The following CSMD2 variants were observed in gnomAD, a reference collection of about 807,000 sequenced individuals.
CSMD2 encodes the protein CUB and sushi domain-containing protein 2.
Under a neutral mutation model 398.5 loss-of-function variants are expected in CSMD2, and 130 were observed. That is an observed-to-expected ratio of 0.33 (90% CI 0.28 to 0.38). The LOEUF (loss-of-function observed/expected upper bound fraction) is 0.38. CSMD2 is among the 10% of genes least tolerant of loss of function. CSMD2 has a pLI of 1.00. For synonymous variants in CSMD2, 1,828 were observed against 1,908.5 expected, an observed-to-expected ratio of 0.96 and a Z score of 1.10; for missense variants, 3,829 against 4,764.9, an observed-to-expected ratio of 0.80 and a Z score of 5.78.
At chr1:33,699,007 C>T (rs1645517498) in intron 23 of CSMD2, 63 bp from the exon 24 acceptor site, 1 of 1,431,618 alleles carries the variant, frequency 7.0e-7, no homozygotes, top group Admixed American at 2.0e-5. Flanking sequence ...TGCTTCCTCT[C>T]TTCCCTCAAA....
rs1000420997 is a variant in CSMD2, at chr1:34,045,048, C to T, written c.405-12342G>A. 5.7e-4 allele frequency among the ~76,000 whole-genome samples: 34 copies of T among 59,416 alleles called. 1 individual carries two copies. The highest frequency in any genetic ancestry group is 8.2e-3 in the Middle Eastern group (1 of 122). 39.0% of individuals were successfully genotyped at this position (59,416 alleles called of 152,430 possible). On this transcript the variant is annotated intron_variant, in intron 2 of 70. Coordinates refer to ENST00000373381, the MANE Select transcript of CSMD2 (RefSeq NM_001281956.2). ...CATAATCACACACCATACACACACA[C>T]ACACACACACACACACACACACACA...
intron 10 of CSMD2, among the ~76,000 whole-genome samples, chr1:33,802,288 T>C (rs924729214): frequency 2.0e-5 from 3 of 152,184 alleles, no homozygotes; most frequent in South Asian, 2.1e-4. Flanking sequence ...TCCAGGAGGA[T>C]GCACTGGGGT....
At chr1:33,630,089 C>CCTTA (rs1557648252) in intron 32 of CSMD2, among the ~76,000 whole-genome samples, 1 of 151,608 alleles carries the variant, frequency 6.6e-6, no homozygotes, top group African/African-American at 2.4e-5. Context: ...TTCCTTCCTT[C>CCTTA]CTTGCTTCCT....
intron 29 of CSMD2, among the ~76,000 whole-genome samples, chr1:33,646,396 T>C (rs1325624879): frequency 6.6e-6 from 1 of 152,098 alleles, no homozygotes; most frequent in Admixed American, 6.5e-5. Context: ...AGAGGACTAG[T>C]GGTTGGAAAT....
Position 33,743,600 on chromosome 1 carries a change from C to G in CSMD2, c.1853G>C (p.Cys618Ser), listed in dbSNP as rs1429596905. 1.9e-6 allele frequency: 3 copies of G among 1,592,658 alleles called. No individual in the cohort carries two copies. The highest frequency in any genetic ancestry group is 1.7e-6 in the Non-Finnish European group (2 of 1,166,444). ...SAKKPGCVFSCFFNFTSPSGV... is the reference protein window; with the variant it reads ...SAKKPGCVFSSFFNFTSPSGV... ...AGACGGGCTGGTGAAGTTGAAGAAGCAGGAGACTGCAAGAGAAGAGCAGTG... is the reference window on the plus strand; with the variant it reads ...AGACGGGCTGGTGAAGTTGAAGAAGGAGGAGACTGCAAGAGAAGAGCAGTG... Residue 618 changes from cysteine (C) to serine (S), a missense_variant, in exon 14 of 71, where the codon TGC (cysteine) becomes TCC (serine). Cys to Ser is a moderately radical substitution (Grantham distance 112, BLOSUM62 -1). Transcript: ENST00000373381.
intron 64 of CSMD2, among the ~76,000 whole-genome samples, chr1:33,528,965 C>T (rs535219588): frequency 6.6e-6 from 1 of 152,278 alleles, no homozygotes; most frequent in African/African-American, 2.4e-5. Context: ...CCAAATTGAT[C>T]TACAGGTTCA....
intron 14 of CSMD2, among the ~76,000 whole-genome samples, chr1:33,742,278 C>T (rs999301023): frequency 6.6e-6 from 1 of 152,236 alleles, no homozygotes; most frequent in Non-Finnish European, 1.5e-5. Context: ...CATCTAATGT[C>T]TTCAGTCCAA....
At chr1:33,569,875 T>A (rs1207053447) in intron 51 of CSMD2, among the ~76,000 whole-genome samples, 1 of 152,188 alleles carries the variant, frequency 6.6e-6, no homozygotes, top group African/African-American at 2.4e-5. Context: ...AGATGGCGAT[T>A]CTGTGGTATG....
intron 1 of CSMD2, among the ~76,000 whole-genome samples, chr1:34,116,722 A>G (rs1318088781): frequency 6.6e-6 from 1 of 152,144 alleles, no homozygotes; most frequent in Admixed American, 6.5e-5. Context: ...AACATTCTTC[A>G]AGACAGATCA....
intron 2 of CSMD2, among the ~76,000 whole-genome samples, chr1:34,067,182 G>C (rs1655209538): frequency 6.6e-6 from 1 of 152,112 alleles, no homozygotes; most frequent in South Asian, 2.1e-4. Context: ...AGTGATTAGA[G>C]GGAAAACTAT....
intron 7 of CSMD2, among the ~76,000 whole-genome samples, chr1:33,824,808 C>T (rs919292770): frequency 2.6e-5 from 4 of 151,552 alleles, no homozygotes; most frequent in African/African-American, 9.7e-5. Flanking sequence ...GGAGAGAGGA[C>T]CAGAGATGCA....
chr1:34,117,807 A>C (rs1282737597), intron 1 of CSMD2, among the ~76,000 whole-genome samples: 3 of 152,190 alleles, frequency 2.0e-5, no homozygotes, highest in Non-Finnish European at 4.4e-5. Context: ...AAATGCAAAA[A>C]TTTTGTTCAG....
intron 13 of CSMD2, among the ~76,000 whole-genome samples, chr1:33,751,389 T>A (rs779654983): frequency 2.0e-5 from 3 of 152,096 alleles, no homozygotes; most frequent in Non-Finnish European, 4.4e-5. Context: ...CCATGTATCA[T>A]CTAGGCTGAA....
chr1:33,666,428 A>G (rs1240100110), intron 25 of CSMD2, among the ~76,000 whole-genome samples: 2 of 152,056 alleles, frequency 1.3e-5, no homozygotes, highest in Non-Finnish European at 2.9e-5. Flanking sequence ...TTCTTTGCAC[A>G]CCTCTTGTTA....
chr1:33,772,447 C>G, intron 13 of CSMD2, 122 bp downstream of exon 13: 1 of 811,280 alleles, frequency 1.2e-6, no homozygotes, highest in Non-Finnish European at 2.0e-6. Context: ...AATAAACCAA[C>G]CAGAGTGCAG....
chr1:33,709,508 T>C (rs1393074851), intron 21 of CSMD2: 3 of 505,726 alleles, frequency 5.9e-6, no homozygotes, highest in Non-Finnish European at 1.0e-5. Flanking sequence ...GTCTCTCTCC[T>C]ACAGAAACAG....
At position 33,743,469 on chromosome 1, in the gene CSMD2, C is replaced by T. The variant is rs753496611; in HGVS notation, c.1984G>A (p.Asp662Asn). Reference protein sequence around the residue: ...PESRIHLAFNDIDVEPQFDFL... With the variant: ...PESRIHLAFNNIDVEPQFDFL... ...TCAAACTGAGGCTCCACGTCAATGT[C>T]GTTGAAGGCCAGGTGGATGCGGCTC... The change falls in exon 14 of 71, where the codon GAC becomes AAC. Residue 662 changes from aspartate to asparagine, a missense_variant. Transcript: ENST00000373381. The T allele has an allele frequency of 1.9e-5, 31 of 1,614,014 alleles. No individual in the cohort carries two copies. The highest frequency in any genetic ancestry group is 1.3e-4 in the South Asian group (12 of 91,078).
chr1:34,146,687 T>C (rs895316382), intron 1 of CSMD2, among the ~76,000 whole-genome samples: 2 of 151,830 alleles, frequency 1.3e-5, no homozygotes, highest in African/African-American at 4.8e-5. Flanking sequence ...CAGAGAGGGG[T>C]GGAATTCCAG....
At chr1:33,815,758 C>T (rs977383585) in intron 9 of CSMD2, among the ~76,000 whole-genome samples, 6 of 152,152 alleles carry the variant, frequency 3.9e-5, no homozygotes, top group African/African-American at 1.4e-4. Flanking sequence ...TACAAGTATA[C>T]ATAATTTAAT....
Sources: gnomAD v4.1 joint callset for allele counts (sites outside exome capture counted in the v4.1 genomes callset) on GRCh38, gnomAD v4.1.1 for gene constraint, MANE v1.5 for transcripts, NCBI Gene and HGNC (gene_info 2026-07-23, HGNC 2026-07-21) for gene names.